FMNL3: variants seen among roughly 807,000 people sequenced by gnomAD.
FMNL3 encodes the protein formin-like protein 3.
Under a neutral mutation model 119.6 loss-of-function variants are expected in FMNL3, and 57 were observed. The ratio of observed to expected loss-of-function variants is 0.48; its 90% CI spans 0.39 to 0.59. The LOEUF is 0.59. Ranked by LOEUF, FMNL3 falls within the 20% of genes least tolerant of loss-of-function variation. The pLI is 0.00. For synonymous variants in FMNL3, 491 were observed against 507.3 expected (o/e 0.97, Z 0.43); for missense variants, 1,053 against 1,323.5 (o/e 0.80, Z 3.17).
chr12:49,661,925 C>T (rs765628761), intron 5 of FMNL3, 41 bp downstream of exon 5: 3 of 1,566,154 alleles, frequency 1.9e-6, no homozygotes, highest in South Asian at 1.1e-5. Flanking sequence ...CTATGTCCTC[C>T]CCCAACTGGT....
Position 49,666,140 on chromosome 12 carries a change from C to G in FMNL3, c.278G>C (p.Ser93Thr), listed in dbSNP as rs1379038086. The G allele has an allele frequency of 3.1e-6, 5 of 1,614,122 alleles. No homozygotes were observed. The South Asian group carries it at 5.5e-5, about 18-fold the overall frequency. ...CTCATACTTCACCTTCCGAGTTACA[C>G]TGGGGTCCAAGAAGCTCTGGAGTTT... is the stretch of plus-strand genomic sequence containing the variant. ...IQKLQSFLDP[S>T]VTRKKFRRRV... The change falls in exon 3 of 26, where the codon AGT becomes ACT. Residue 93 changes from serine to threonine, a missense_variant. Transcript: ENST00000335154.
chr12:49,675,402 C>T (rs916777669), intron 1 of FMNL3, among the ~76,000 whole-genome samples: 6 of 152,228 alleles, frequency 3.9e-5, no homozygotes, highest in Non-Finnish European at 8.8e-5. Context: ...GCCAAGGAGT[C>T]TTGGGGCAGA....
intron 1 of FMNL3, among the ~76,000 whole-genome samples, chr12:49,672,198 ACT>A (rs1209161749): frequency 1.3e-5 from 2 of 151,346 alleles, no homozygotes; most frequent in Admixed American, 1.3e-4. Context: ...GCTTCGCAAC[ACT>A]CTGACTACAG....
At chr12:49,673,689 T>G (rs888310892) in intron 1 of FMNL3, among the ~76,000 whole-genome samples, 2 of 152,240 alleles carry the variant, frequency 1.3e-5, no homozygotes, top group African/African-American at 4.8e-5. Flanking sequence ...CAATGAGAGT[T>G]ATTTTCAGCC....
intron 4 of FMNL3, among the ~76,000 whole-genome samples, chr12:49,664,932 C>G (rs967706959): frequency 2.0e-5 from 3 of 152,058 alleles, no homozygotes; most frequent in African/African-American, 7.3e-5. Flanking sequence ...CACCCCACCC[C>G]CACCTGGGCC....
Position 49,636,575 on chromosome 12 carries a change from G to A in FMNL3, c.*9240C>T, listed in dbSNP as rs905016850. The A allele has an allele frequency of 1.2e-5, 12 of 1,041,440 alleles. No individual in the cohort carries two copies. Among genetic ancestry groups the A allele is most frequent in the Non-Finnish European group, 1.7e-5 (12 of 712,598 alleles). The allele number at this position is 1,041,440 out of a possible 1,614,324, so 64.5% of individuals were successfully genotyped here. A position where few individuals can be genotyped will look rare whatever the true frequency, so the allele number is the denominator to read the frequency against. On this transcript the variant is annotated 3_prime_UTR_variant, in exon 26 of 26. Coordinates refer to ENST00000335154, the MANE Select transcript of FMNL3 (RefSeq NM_175736.5). ...TACCATTGCAGTGGCTGCTCCCACA[G>A]AGCCCCCTCCAGGCCCTTCCCCCAC...
Position 49,651,460 on chromosome 12 carries a change from G to A in FMNL3, c.1604-10C>T. 1.3e-5 allele frequency: 19 copies of A among 1,460,614 alleles called. No individual in the cohort carries two copies. The highest frequency in any genetic ancestry group is 1.6e-5 in the Non-Finnish European group (18 of 1,102,068). 90.5% of individuals were successfully genotyped at this position (1,460,614 alleles called of 1,614,324 possible). ...GCTGGGGGACACTTGTCTGGGGGAA[G>A]AAGAAATGACACAGTGACCCAGGCG... On this transcript the variant is annotated splice_polypyrimidine_tract_variant and intron_variant, in intron 14 of 25. Coordinates refer to ENST00000335154, the MANE Select transcript of FMNL3 (RefSeq NM_175736.5).
rs115064935 is a variant in FMNL3 at position 49,636,924 on chromosome 12, C to G, written c.*8891G>C. 4,396 of 1,599,514 alleles carry G rather than the reference C, an allele frequency of 2.7e-3. 91 individuals are homozygous for G. The African/African-American group carries it at 0.046, about 17-fold the overall frequency. ...CAACCTCTTCACCCATTCCCTGCCC[C>G]CTTCTGGATACGCTGCCTGTTCTTT... On this transcript the variant is annotated 3_prime_UTR_variant, in exon 26 of 26. Transcript: ENST00000335154.
intron 2 of FMNL3, 100 bp downstream of exon 2, chr12:49,668,371 C>T: frequency 8.9e-7 from 1 of 1,126,450 alleles, no homozygotes; most frequent in Non-Finnish European, 1.3e-6. Flanking sequence ...GCCAGGGTTC[C>T]TCAAGGAACC....
At chr12:49,653,616 C>A (rs1433049521) in intron 12 of FMNL3, 109 bp downstream of exon 12, 1 of 1,518,158 alleles carries the variant, frequency 6.6e-7, no homozygotes, top group East Asian at 2.3e-5. Flanking sequence ...CTGGTGGGTT[C>A]TAAAGCCTCC....
At chr12:49,706,854 G>T (rs1262411005) in intron 1 of FMNL3, among the ~76,000 whole-genome samples, 3 of 152,148 alleles carry the variant, frequency 2.0e-5, no homozygotes, top group African/African-American at 7.2e-5. Flanking sequence ...CGGTGGAGGC[G>T]TCGGTCCCGA....
intron 6 of FMNL3, among the ~76,000 whole-genome samples, chr12:49,657,742 C>T (rs1432007345): frequency 6.6e-6 from 1 of 152,086 alleles, no homozygotes; most frequent in South Asian, 2.1e-4. Flanking sequence ...TCATCCATGA[C>T]AAGAATAATC....
rs953727007 is a variant in FMNL3 at position 49,666,052 on chromosome 12, G to C, written c.291+75C>G. ...TCAGAAACAGATGTCCAATATCCAAGTCAAAGGGTTTGCCCCCAAACCCCA... is the reference window on the plus strand; with the variant it reads ...TCAGAAACAGATGTCCAATATCCAACTCAAAGGGTTTGCCCCCAAACCCCA... On this transcript the variant is annotated intron_variant, in intron 3 of 25. Transcript: ENST00000335154. 22 of 1,554,298 alleles carry C rather than the reference G, an allele frequency of 1.4e-5. No homozygotes were observed. In the Admixed American group the frequency reaches 1.7e-4, roughly 12 times the overall value.
In FMNL3 at chr12:49,666,200, A is replaced by C; in HGVS notation, c.218T>G (p.Phe73Cys). Reference protein sequence around the residue: ...KWDLICDQERFQVKNPPHTYI... With the variant: ...KWDLICDQERCQVKNPPHTYI... ...AGTGTGGGGAGGATTCTTCACCTGGAATCGTTCCTGTAAGGGAAACATGCA... is the reference window on the plus strand; with the variant it reads ...AGTGTGGGGAGGATTCTTCACCTGGCATCGTTCCTGTAAGGGAAACATGCA... The change falls in exon 3 of 26, where the codon TTC (phenylalanine) becomes TGC (cysteine). Residue 73 changes from phenylalanine to cysteine, a missense_variant. By Grantham distance (205) the Phe-to-Cys change is radical. This residue lies in a region of FMNL3 where 264 missense variants were observed against 265.5 expected (regional missense o/e 0.99). Coordinates refer to ENST00000335154, the MANE Select transcript of FMNL3 (RefSeq NM_175736.5). 1.2e-6 allele frequency: 2 copies of C among 1,613,834 alleles called. No individual in the cohort carries two copies. Among genetic ancestry groups the C allele is most frequent in the Non-Finnish European group, 1.7e-6 (2 of 1,179,852 alleles).
At position 49,643,162 on chromosome 12, in the gene FMNL3, G is replaced by C; in HGVS notation, c.*2653C>G. ...GTCCTCCTCCTCTCTCGAATTCCCA[G>C]ACGAGGGCTTCTGGAGGGCAGAGAA... On this transcript the variant is annotated 3_prime_UTR_variant, in exon 26 of 26. Coordinates refer to ENST00000335154, the MANE Select transcript of FMNL3 (RefSeq NM_175736.5). 1.2e-6 allele frequency: 2 copies of C among 1,603,008 alleles called. No homozygotes were observed. Among genetic ancestry groups the C allele is most frequent in the Non-Finnish European group, 1.7e-6 (2 of 1,172,516 alleles).
At chr12:49,666,055 A>C in intron 3 of FMNL3, 72 bp downstream of exon 3, 1 of 1,556,334 alleles carries the variant, frequency 6.4e-7, no homozygotes, top group Non-Finnish European at 8.9e-7. Flanking sequence ...TATCCAAGTC[A>C]AAGGGTTTGC....
intron 9 of FMNL3, 144 bp downstream of exon 9, chr12:49,656,260 T>C (rs1364305447): frequency 1.7e-6 from 1 of 600,248 alleles, no homozygotes; most frequent in Non-Finnish European, 2.9e-6. Context: ...TTAAAAATAC[T>C]GGGAGTTCAG....
At chr12:49,680,202 T>C (rs1295965929) in intron 1 of FMNL3, among the ~76,000 whole-genome samples, 1 of 152,270 alleles carries the variant, frequency 6.6e-6, no homozygotes, top group Non-Finnish European at 1.5e-5. Flanking sequence ...AGGGCCCAGC[T>C]CTGGCTTTCC....
chr12:49,658,187 G>A (rs571619053), intron 6 of FMNL3, among the ~76,000 whole-genome samples: 1 of 152,182 alleles, frequency 6.6e-6, no homozygotes, highest in African/African-American at 2.4e-5. Flanking sequence ...CCCCAGAGAG[G>A]GGTGAGGAAT....
Sources: gnomAD v4.1 joint callset for allele counts (sites outside exome capture counted in the v4.1 genomes callset) on GRCh38, gnomAD v4.1.1 for gene constraint, gnomAD v4.1.1 regional missense constraint, MANE v1.5 for transcripts, NCBI Gene and HGNC (gene_info 2026-07-23, HGNC 2026-07-21) for gene names.